Variants in SOAT2 observed in about 807,000 individuals in gnomAD.
The protein encoded by SOAT2 is ACAT-2.
In SOAT2, 87 loss-of-function variants were observed where a neutral mutation model predicts 76.0. That is an observed-to-expected ratio of 1.14 (90% confidence interval 0.96 to 1.37). The LOEUF (loss-of-function observed/expected upper bound fraction) is 1.37. Ranked by LOEUF, SOAT2 falls within the 40% of genes most tolerant of loss-of-function variation. SOAT2 has a pLI of 0.00. For synonymous variants in SOAT2, 285 were observed against 275.4 expected, an observed-to-expected ratio of 1.03 and a Z score of -0.34; for missense variants, 686 against 682.1, an observed-to-expected ratio of 1.01 and a Z score of -0.06.
At chr12:53,111,266 C>T (rs989293579) in intron 5 of SOAT2, among the ~76,000 whole-genome samples, 6 of 152,108 alleles carry the variant, frequency 3.9e-5, no homozygotes, top group Admixed American at 2.0e-4. Flanking sequence ...CCACCACGCC[C>T]GGCTAATTTT....
chr12:53,108,592 A>G (rs780008912), intron 5 of SOAT2, among the ~76,000 whole-genome samples: 4 of 152,232 alleles, frequency 2.6e-5, no homozygotes, highest in Admixed American at 6.5e-5. Flanking sequence ...TGACTCTGCA[A>G]AGCAAAACAA....
intron 1 of SOAT2, 56 bp downstream of exon 1, chr12:53,103,715 A>G: frequency 1.5e-6 from 2 of 1,351,552 alleles, no homozygotes; most frequent in Non-Finnish European, 2.0e-6. Context: ...AGGCGGGGAG[A>G]GATGCGCTAT....
intron 5 of SOAT2, among the ~76,000 whole-genome samples, chr12:53,114,798 T>C (rs751967721): frequency 6.6e-6 from 1 of 152,230 alleles, no homozygotes; most frequent in Non-Finnish European, 1.5e-5. Context: ...AGGTACATTG[T>C]GGAGGTTTCA....
Position 53,115,656 on chromosome 12 carries a change from T to A in SOAT2, c.708+2T>A, listed in dbSNP as rs757582517. ...CGTTGTGTCCTGGTCTTCGAGCAGG[T>A]GAGGGCCGAGCCCTGCTGACGGACA... On this transcript the variant is annotated splice_donor_variant, in intron 6 of 14. Coordinates refer to ENST00000301466, the MANE Select transcript of SOAT2 (RefSeq NM_003578.4). LOFTEE classifies it high-confidence loss of function. 10 of 1,519,482 alleles carry A rather than the reference T, an allele frequency of 6.6e-6. No homozygotes were observed. Among genetic ancestry groups the A allele is most frequent in the African/African-American group, 1.4e-5 (1 of 73,118 alleles). 94.1% of individuals were successfully genotyped at this position (1,519,482 alleles called of 1,614,324 possible). A position where few individuals can be genotyped will look rare whatever the true frequency, so the allele number is the denominator to read the frequency against.
rs141004772 is a variant in SOAT2, at chr12:53,123,770, C to G, written c.1415C>G (p.Ala472Gly). The G allele has an allele frequency of 6.2e-7, 1 of 1,614,186 alleles. No homozygotes were observed. The highest frequency in any genetic ancestry group is 8.5e-7 in the Non-Finnish European group (1 of 1,180,040). The change falls in exon 14 of 15, where the codon GCA (alanine) becomes GGA (glycine). Residue 472 changes from alanine (A) to glycine (G), a missense_variant. Physicochemically the swap from Ala to Gly is moderately conservative, Grantham distance 60. Transcript: ENST00000301466. ...ATGCATGACCAGCGCACCGGCCCGGCATGGAACGTGCTGATGTGGACCATG... is the reference window on the plus strand; with the variant it reads ...ATGCATGACCAGCGCACCGGCCCGGGATGGAACGTGCTGATGTGGACCATG... ...FMMHDQRTGPAWNVLMWTMLF... is the reference protein window; with the variant it reads ...FMMHDQRTGPGWNVLMWTMLF...
intron 3 of SOAT2, 31 bp from the exon 4 acceptor site, chr12:53,105,530 T>G: frequency 6.2e-7 from 1 of 1,603,408 alleles, no homozygotes; most frequent in Non-Finnish European, 8.5e-7. Context: ...CATTTACTTT[T>G]TCCTGACCCT....
rs572442766 is a variant in SOAT2, at chr12:53,115,796, C to A, written c.708+142C>A. On this transcript the variant is annotated intron_variant, in intron 6 of 14. Coordinates refer to ENST00000301466, the MANE Select transcript of SOAT2 (RefSeq NM_003578.4). ...CATTGGCAGGGGCGGAGCTAGTTAC[C>A]GGGGGTGGAGTCCATTACGAGGGAT... is the stretch of plus-strand genomic sequence containing the variant. 4.1e-5 allele frequency: 44 copies of A among 1,075,010 alleles called. No homozygotes were observed. In the Admixed American group the frequency reaches 1.3e-3, roughly 32 times the overall value. 66.6% of individuals were successfully genotyped at this position (1,075,010 alleles called of 1,614,324 possible).
At chr12:53,105,401 C>T (rs1419119973) in intron 3 of SOAT2, among the ~76,000 whole-genome samples, 158 bp downstream of exon 3, 2 of 152,164 alleles carry the variant, frequency 1.3e-5, no homozygotes, top group Non-Finnish European at 1.5e-5. Context: ...TACTGGGCCT[C>T]GCTCTGCCCT....
intron 10 of SOAT2, among the ~76,000 whole-genome samples, chr12:53,120,265 C>G (rs1193938837): frequency 6.6e-6 from 1 of 152,068 alleles, no homozygotes; most frequent in African/African-American, 2.4e-5. Context: ...GTCAGGAGAT[C>G]AAGACCATCC....
intron 7 of SOAT2, among the ~76,000 whole-genome samples, chr12:53,118,068 G>C (rs989595578): frequency 2.0e-5 from 3 of 152,106 alleles, no homozygotes; most frequent in Admixed American, 2.0e-4. Flanking sequence ...GTTGTCGAAC[G>C]TGTGGGTACC....
intron 5 of SOAT2, among the ~76,000 whole-genome samples, chr12:53,114,316 A>T (rs1053326164): frequency 2.0e-5 from 3 of 152,168 alleles, no homozygotes; most frequent in Admixed American, 6.5e-5. Context: ...AAAATAAATT[A>T]AAAAAACTAA....
rs970233073 is a variant in SOAT2, at chr12:53,116,084, C to T, written c.709-13C>T. On this transcript the variant is annotated splice_polypyrimidine_tract_variant and intron_variant, in intron 6 of 14. Transcript: ENST00000301466. ...CACACAGCAACTTTTCCTCCCCTTCCATTCTGCCACAGGTTAGGTTCCTGA... is the reference window on the plus strand; with the variant it reads ...CACACAGCAACTTTTCCTCCCCTTCTATTCTGCCACAGGTTAGGTTCCTGA... 5 of 1,613,360 alleles carry T rather than the reference C, an allele frequency of 3.1e-6. No individual in the cohort carries two copies. The highest frequency in any genetic ancestry group is 4.2e-6 in the Non-Finnish European group (5 of 1,179,272).
chr12:53,122,477 C>T (rs1447407646), intron 12 of SOAT2, among the ~76,000 whole-genome samples: 5 of 145,714 alleles, frequency 3.4e-5, no homozygotes, highest in African/African-American at 1.1e-4. Context: ...GAGGACCCTG[C>T]GGCCTTCCGC....
rs1162412376 is a variant in SOAT2 at position 53,103,671 on chromosome 12, T to G, written c.82+12T>G. The G allele has an allele frequency of 9.2e-6, 14 of 1,516,908 alleles. No homozygotes were observed. The highest frequency in any genetic ancestry group is 5.5e-5 in the African/African-American group (4 of 72,200). The allele number at this position is 1,516,908 out of a possible 1,614,324, so 94.0% of individuals were successfully genotyped here. ...ACCCTGTGGAGATGGTGAGCCGCCC[T>G]CGGGGGTGCAGAAGGCACAGGCAAG... On this transcript the variant is annotated intron_variant, in intron 1 of 14. Coordinates refer to ENST00000301466, the MANE Select transcript of SOAT2 (RefSeq NM_003578.4).
intron 7 of SOAT2, among the ~76,000 whole-genome samples, chr12:53,117,639 C>G (rs1938126281): frequency 6.6e-6 from 1 of 151,896 alleles, no homozygotes; most frequent in Non-Finnish European, 1.5e-5. Context: ...AAGGGTGGAC[C>G]TGTGACTCAT....
chr12:53,123,329 G>C (rs1365304846), intron 13 of SOAT2, 113 bp downstream of exon 13: 1 of 1,355,840 alleles, frequency 7.4e-7, no homozygotes, highest in East Asian at 2.3e-5. Context: ...CTGGAGGCAA[G>C]GCTGCTGAGA....
chr12:53,123,938 C>T (rs1938236322), intron 14 of SOAT2, 65 bp downstream of exon 14: 1 of 1,608,524 alleles, frequency 6.2e-7, no homozygotes, highest in Non-Finnish European at 8.5e-7. Context: ...CAGCCAGTCC[C>T]TCCTTGTTCC....
chr12:53,115,719 G>A (rs1232831397), intron 6 of SOAT2, 65 bp downstream of exon 6: 40 of 1,442,540 alleles, frequency 2.8e-5, no homozygotes, highest in Non-Finnish European at 3.5e-5. Flanking sequence ...CAGCAGAGGG[G>A]GAGTCCCCCA....
At position 53,115,600 on chromosome 12, in the gene SOAT2, G is replaced by C; in HGVS notation, c.654G>C (p.Val218=). Residue 218 remains valine, a synonymous_variant, in exon 6 of 15, where the codon GTG becomes GTC. Coordinates refer to ENST00000301466, the MANE Select transcript of SOAT2 (RefSeq NM_003578.4). ...AVVLCALPVH[V]AVEHQLPPAS... ...TGCTCTGCGCGCTGCCGGTCCACGTGGCCGTGGAGCATCAGCTCCCGCCGG... is the reference window on the plus strand; with the variant it reads ...TGCTCTGCGCGCTGCCGGTCCACGTCGCCGTGGAGCATCAGCTCCCGCCGG... 6.4e-7 allele frequency: 1 copy of C among 1,572,298 alleles called. No homozygotes were observed. Among genetic ancestry groups the C allele is most frequent in the Non-Finnish European group, 8.6e-7 (1 of 1,164,894 alleles).
Sources: allele counts gnomAD v4.1 joint callset (sites outside exome capture counted in the v4.1 genomes callset), GRCh38; gene constraint gnomAD v4.1.1; transcripts MANE v1.5; gene names NCBI Gene and HGNC (gene_info 2026-07-23, HGNC 2026-07-21).